ATP8A2: variants seen among roughly 807,000 people sequenced by gnomAD.
The protein encoded by ATP8A2 is phospholipid-transporting ATPase IB.
A neutral mutation model predicts 165.6 loss-of-function variants in ATP8A2; 100 were observed. The ratio of observed to expected loss-of-function variants is 0.60; its 90% CI spans 0.51 to 0.71. The LOEUF is 0.71. ATP8A2 is among the 30% of genes least tolerant of loss of function. The pLI is 0.00. For missense variants in ATP8A2, 1,227 were observed against 1,479.5 expected (o/e 0.83, Z 2.80); for synonymous variants, 543 against 548.8 (o/e 0.99, Z 0.15).
chr13:25,569,531 C>T (rs956440602), intron 16 of ATP8A2, among the ~76,000 whole-genome samples: 3 of 152,160 alleles, frequency 2.0e-5, no homozygotes, highest in Non-Finnish European at 4.4e-5. Flanking sequence ...AGAACACTGA[C>T]ATTAAAATAA....
chr13:25,804,501 A>C (rs763572318), intron 27 of ATP8A2, among the ~76,000 whole-genome samples: 1 of 152,180 alleles, frequency 6.6e-6, no homozygotes, highest in African/African-American at 2.4e-5. Flanking sequence ...CTAACAATTA[A>C]ATAGAGAAAA....
intron 25 of ATP8A2, among the ~76,000 whole-genome samples, chr13:25,709,244 C>T (rs998386716): frequency 6.6e-6 from 1 of 152,198 alleles, no homozygotes; most frequent in Admixed American, 6.5e-5. Flanking sequence ...GGCGTCCTTT[C>T]ACCACTTGGA....
rs370695072 is a variant in ATP8A2, at chr13:25,646,305, C to A, written c.2212-52868C>A. Among the ~76,000 whole-genome samples, 19 of 152,036 alleles carry A rather than the reference C, an allele frequency of 1.2e-4. No individual in the cohort carries two copies. The South Asian group carries it at 3.8e-3, about 30-fold the overall frequency. ...CTCTTCACTTTCAGTCTATATGCACCCTTGAAAATGAGATGAATGTTTTGT... is the reference window on the plus strand; with the variant it reads ...CTCTTCACTTTCAGTCTATATGCACACTTGAAAATGAGATGAATGTTTTGT... On this transcript the variant is annotated intron_variant, in intron 24 of 36. Coordinates refer to ENST00000381655, the MANE Select transcript of ATP8A2 (RefSeq NM_016529.6).
intron 25 of ATP8A2, chr13:25,705,088 AC>A (rs1344058799): frequency 2.8e-6 from 1 of 357,196 alleles, no homozygotes; most frequent in Non-Finnish European, 5.4e-6. Context: ...AAATGTGTAA[AC>A]CATTTTCAAT....
At chr13:25,711,678 C>G (rs2043162414) in intron 25 of ATP8A2, among the ~76,000 whole-genome samples, 1 of 152,108 alleles carries the variant, frequency 6.6e-6, no homozygotes, top group Non-Finnish European at 1.5e-5. Flanking sequence ...GTTAGACTTC[C>G]ACTAGGGTCA....
chr13:25,505,562 G>A (rs1231076868), intron 2 of ATP8A2, among the ~76,000 whole-genome samples: 2 of 151,824 alleles, frequency 1.3e-5, no homozygotes, highest in African/African-American at 4.8e-5. Context: ...TATATTTTTT[G>A]TTCTCAGTGT....
chr13:25,891,083 T>A (rs1344308910), intron 33 of ATP8A2, among the ~76,000 whole-genome samples: 1 of 152,188 alleles, frequency 6.6e-6, no homozygotes, highest in African/African-American at 2.4e-5. Flanking sequence ...CTGAGTTGAC[T>A]GAGTGAAGCC....
intron 35 of ATP8A2, among the ~76,000 whole-genome samples, chr13:25,976,941 C>T (rs1263942764): frequency 6.6e-6 from 1 of 152,076 alleles, no homozygotes; most frequent in African/African-American, 2.4e-5. Flanking sequence ...GCACCCGCCA[C>T]CATGCCCAGC....
chr13:25,814,018 C>T (rs1175605732), intron 27 of ATP8A2, among the ~76,000 whole-genome samples: 2 of 152,046 alleles, frequency 1.3e-5, no homozygotes, highest in African/African-American at 4.8e-5. Context: ...ACCCCCTCTG[C>T]AGATCTTGGG....
intron 35 of ATP8A2, among the ~76,000 whole-genome samples, chr13:26,008,423 G>A (rs948631056): frequency 4.0e-5 from 6 of 151,596 alleles, no homozygotes; most frequent in African/African-American, 9.7e-5. Context: ...AGGGAGAAGG[G>A]GAATGAAAAA....
At chr13:25,899,848 T>C (rs1255244934) in intron 33 of ATP8A2, among the ~76,000 whole-genome samples, 1 of 152,178 alleles carries the variant, frequency 6.6e-6, no homozygotes, top group Non-Finnish European at 1.5e-5. Flanking sequence ...TGCTCTGATG[T>C]CTATTTCCAA....
intron 24 of ATP8A2, among the ~76,000 whole-genome samples, chr13:25,678,960 A>T (rs896441070): frequency 1.3e-5 from 2 of 152,234 alleles, no homozygotes; most frequent in Non-Finnish European, 2.9e-5. Flanking sequence ...CTCAGTGAAG[A>T]TGTCTTTACA....
intron 33 of ATP8A2, among the ~76,000 whole-genome samples, chr13:25,903,929 G>A (rs1427851999): frequency 6.6e-6 from 1 of 152,150 alleles, no homozygotes; most frequent in Admixed American, 6.5e-5. Context: ...AAGTAAATAA[G>A]TAGTTTTTAA....
At chr13:25,550,603 C>T (rs2138050453) in intron 10 of ATP8A2, among the ~76,000 whole-genome samples, 1 of 152,246 alleles carries the variant, frequency 6.6e-6, no homozygotes, top group Non-Finnish European at 1.5e-5. Flanking sequence ...CTGGTTTCCC[C>T]CCAGCAGTGA....
chr13:25,765,131 C>G (rs1004882479), intron 25 of ATP8A2, among the ~76,000 whole-genome samples: 1 of 152,158 alleles, frequency 6.6e-6, no homozygotes, highest in Admixed American at 6.5e-5. Flanking sequence ...ATGAGATACT[C>G]CAGGAACTGA....
intron 33 of ATP8A2, among the ~76,000 whole-genome samples, chr13:25,915,975 C>T (rs1411438123): frequency 1.3e-5 from 2 of 152,058 alleles, no homozygotes; most frequent in Non-Finnish European, 2.9e-5. Context: ...TTTTTTCTAT[C>T]GTAGAGTTTG....
chr13:25,585,193 G>A (rs2039887911), intron 23 of ATP8A2, among the ~76,000 whole-genome samples: 1 of 152,134 alleles, frequency 6.6e-6, no homozygotes, highest in Non-Finnish European at 1.5e-5. Flanking sequence ...GCAACACTGT[G>A]CTTGAATTTA....
intron 2 of ATP8A2, among the ~76,000 whole-genome samples, chr13:25,486,257 G>T (rs928935629): frequency 6.6e-6 from 1 of 152,158 alleles, no homozygotes; most frequent in African/African-American, 2.4e-5. Flanking sequence ...TTTCAATTCA[G>T]TGCTGGTGTT....
rs185894919 is a variant in ATP8A2 at position 26,020,000 on chromosome 13, T to C, written c.*15T>C. ...GGAAGAAATAAGACATGAATTTTCC[T>C]GACTGATCTTAGGAAAGAGATTCAG... is the stretch of plus-strand genomic sequence containing the variant. On this transcript the variant is annotated 3_prime_UTR_variant, in exon 37 of 37. Transcript: ENST00000381655. The C allele has an allele frequency of 4.6e-4, 726 of 1,566,600 alleles. 3 individuals carry two copies. Among genetic ancestry groups the C allele is most frequent in the East Asian group, 3.9e-3 (175 of 44,608 alleles).
Sources: gnomAD v4.1 joint callset for allele counts (sites outside exome capture counted in the v4.1 genomes callset) on GRCh38, gnomAD v4.1.1 for gene constraint, MANE v1.5 for transcripts, NCBI Gene and HGNC (gene_info 2026-07-23, HGNC 2026-07-21) for gene names.